The following ADGRV1 variants were observed in gnomAD, a reference collection of about 807,000 sequenced individuals.
The protein encoded by ADGRV1 is adhesion G protein-coupled receptor V1.
ADGRV1 carries 359 observed loss-of-function variants against 596.2 expected under a neutral mutation model. That is an observed-to-expected ratio of 0.60 (90% CI 0.55 to 0.66). ADGRV1 has a LOEUF of 0.66. ADGRV1 is among the 30% of genes least tolerant of loss of function. ADGRV1 has a pLI of 0.00. For synonymous variants in ADGRV1, 2,681 were observed against 2,679.2 expected, an observed-to-expected ratio of 1.00 and a Z score of -0.02; for missense variants, 7,274 against 7,575.6, an observed-to-expected ratio of 0.96 and a Z score of 1.48.
Position 90,628,559 on chromosome 5 carries a change from A to G in ADGRV1, c.1239-3A>G. The G allele has an allele frequency of 6.2e-7, 1 of 1,611,612 alleles. No homozygotes were observed. The highest frequency in any genetic ancestry group is 8.5e-7 in the Non-Finnish European group (1 of 1,177,856). ...AATATGTATTTCTTTTAAAACATTT[A>G]AGATATGAAGAAATCACAGTGGTTA... On this transcript the variant is annotated splice_region_variant and splice_polypyrimidine_tract_variant and intron_variant, in intron 7 of 89. Coordinates refer to ENST00000405460, the MANE Select transcript of ADGRV1 (RefSeq NM_032119.4).
intron 42 of ADGRV1, among the ~76,000 whole-genome samples, chr5:90,712,656 C>T (rs1749521428): frequency 2.0e-5 from 3 of 152,044 alleles, no homozygotes; most frequent in African/African-American, 7.2e-5. Context: ...GTTGATACTA[C>T]AGATAATATT....
intron 1 of ADGRV1, among the ~76,000 whole-genome samples, chr5:90,608,490 C>A (rs921615409): frequency 2.0e-5 from 3 of 151,974 alleles, no homozygotes; most frequent in African/African-American, 7.2e-5. Context: ...TTTTTAGTAG[C>A]AACACTAGGA....
At chr5:90,643,724 A>G in intron 13 of ADGRV1, 79 bp from the exon 14 acceptor site, 1 of 1,083,012 alleles carries the variant, frequency 9.2e-7, no homozygotes. Context: ...GTATATTAAT[A>G]TTCTTGAATA....
intron 88 of ADGRV1, among the ~76,000 whole-genome samples, chr5:91,152,146 T>C (rs763365134): frequency 2.0e-5 from 3 of 152,322 alleles, no homozygotes; most frequent in Non-Finnish European, 4.4e-5. Flanking sequence ...AGGCATAGAA[T>C]TGGCCTTGAT....
intron 85 of ADGRV1, among the ~76,000 whole-genome samples, chr5:90,996,610 G>T (rs1469932077): frequency 6.6e-6 from 1 of 152,116 alleles, no homozygotes; most frequent in Non-Finnish European, 1.5e-5. Context: ...GTCCCTACTG[G>T]GACACTGCCT....
intron 58 of ADGRV1, among the ~76,000 whole-genome samples, chr5:90,762,131 TGTG>T (rs1756577641): frequency 6.6e-6 from 1 of 152,156 alleles, no homozygotes. Flanking sequence ...GAAATCTACT[TGTG>T]AAACCTAAAC....
intron 83 of ADGRV1, among the ~76,000 whole-genome samples, chr5:90,872,142 G>A (rs374616608): frequency 1.3e-5 from 2 of 152,050 alleles, no homozygotes; most frequent in East Asian, 1.9e-4. Flanking sequence ...AGAATTTGGG[G>A]CCCCACCCTT....
chr5:90,976,712 C>T (rs749604550), intron 84 of ADGRV1, among the ~76,000 whole-genome samples: 2 of 151,726 alleles, frequency 1.3e-5, no homozygotes, highest in Admixed American at 6.6e-5. Context: ...ATGATTTTTG[C>T]CTGTATATTC....
At chr5:90,911,918 A>G (rs909634792) in intron 83 of ADGRV1, among the ~76,000 whole-genome samples, 2 of 152,070 alleles carry the variant, frequency 1.3e-5, no homozygotes, top group Non-Finnish European at 1.5e-5. Context: ...ACATAAGGAA[A>G]CAGCTGCTAA....
intron 87 of ADGRV1, among the ~76,000 whole-genome samples, chr5:91,133,702 T>A (rs1365444342): frequency 2.0e-5 from 3 of 152,228 alleles, no homozygotes; most frequent in African/African-American, 7.2e-5. Flanking sequence ...AAATCACCTT[T>A]CCTCTTTCAT....
At chr5:90,697,844 G>C (rs1319226566) in intron 34 of ADGRV1, among the ~76,000 whole-genome samples, 1 of 152,018 alleles carries the variant, frequency 6.6e-6, no homozygotes, top group Non-Finnish European at 1.5e-5. Context: ...TCATTACATA[G>C]TTTATCTGGA....
intron 85 of ADGRV1, among the ~76,000 whole-genome samples, chr5:91,063,965 C>T (rs1038048943): frequency 2.0e-5 from 3 of 152,112 alleles, no homozygotes; most frequent in African/African-American, 7.2e-5. Flanking sequence ...TATATTCTAC[C>T]TGATAGGAGT....
At chr5:90,670,434 G>C (rs943610440) in intron 21 of ADGRV1, among the ~76,000 whole-genome samples, 1 of 151,936 alleles carries the variant, frequency 6.6e-6, no homozygotes, top group Non-Finnish European at 1.5e-5. Context: ...TGGTGTAGTT[G>C]ATCGGTGAGG....
At chr5:90,714,110 A>G (rs13183331) in intron 42 of ADGRV1, among the ~76,000 whole-genome samples, 2 of 152,116 alleles carry the variant, frequency 1.3e-5, no homozygotes, top group Admixed American at 6.5e-5. Flanking sequence ...GTTACATTTC[A>G]ATGTGTACAT....
intron 85 of ADGRV1, among the ~76,000 whole-genome samples, chr5:91,037,212 T>C (rs1274487195): frequency 6.6e-6 from 1 of 152,156 alleles, no homozygotes; most frequent in Non-Finnish European, 1.5e-5. Flanking sequence ...GCCCAATCTT[T>C]TATAACAGGT....
At chr5:90,913,821 AT>A (rs1023899434) in intron 83 of ADGRV1, among the ~76,000 whole-genome samples, 3 of 152,150 alleles carry the variant, frequency 2.0e-5, no homozygotes, top group Non-Finnish European at 4.4e-5. Context: ...TTCAAGATTC[AT>A]GTGTTTGCTT....
intron 62 of ADGRV1, 58 bp downstream of exon 62, chr5:90,778,101 A>G: frequency 1.3e-6 from 2 of 1,507,782 alleles, no homozygotes; most frequent in South Asian, 1.3e-5. Context: ...GTGTGTGCAC[A>G]TGTGTGAGCA....
chr5:91,146,564 C>G (rs951206489), intron 87 of ADGRV1, among the ~76,000 whole-genome samples: 1 of 152,114 alleles, frequency 6.6e-6, no homozygotes, highest in Non-Finnish European at 1.5e-5. Flanking sequence ...GAGTCCCTAC[C>G]CAGTGATTCT....
In ADGRV1 at chr5:90,789,868, G is replaced by A; in HGVS notation, c.14043+17G>A. 1 of 1,333,740 alleles carries A rather than the reference G, an allele frequency of 7.5e-7. No individual in the cohort carries two copies. The highest frequency in any genetic ancestry group is 2.5e-5 in the South Asian group (1 of 40,662). 82.6% of individuals were successfully genotyped at this position (1,333,740 alleles called of 1,614,324 possible). ...GAGATTATGGTATTACTTTTCATTT[G>A]ATTTTTCAAAGTACCAGTTTGCCTA... On this transcript the variant is annotated intron_variant, in intron 69 of 89. Coordinates refer to ENST00000405460, the MANE Select transcript of ADGRV1 (RefSeq NM_032119.4).
Sources: allele counts gnomAD v4.1 joint callset (sites outside exome capture counted in the v4.1 genomes callset), GRCh38; gene constraint gnomAD v4.1.1; transcripts MANE v1.5; gene names NCBI Gene and HGNC (gene_info 2026-07-23, HGNC 2026-07-21).